Variants in TXK observed in about 807,000 individuals in gnomAD.
The protein encoded by TXK is TXK tyrosine kinase, also known as tyrosine-protein kinase TXK.
TXK carries 60 observed loss-of-function variants against 81.0 expected under a neutral mutation model. The ratio of observed to expected loss-of-function variants is 0.74; its 90% confidence interval spans 0.60 to 0.92. The LOEUF is 0.92. TXK is among the 40% of genes least tolerant of loss of function. TXK has a pLI of 0.00. For missense variants in TXK, 581 were observed against 638.3 expected (o/e 0.91, Z 0.97); for synonymous variants, 203 against 210.7 (o/e 0.96, Z 0.32).
intron 7 of TXK, 99 bp from the exon 8 acceptor site, chr4:48,094,303 T>A: frequency 7.5e-7 from 1 of 1,331,040 alleles, no homozygotes; most frequent in Non-Finnish European, 1.1e-6. Context: ...AAACTCATCC[T>A]AGCAACACTA....
intron 3 of TXK, 139 bp downstream of exon 3, chr4:48,113,068 A>G: frequency 2.0e-6 from 1 of 502,650 alleles, no homozygotes; most frequent in African/African-American, 1.9e-5. Flanking sequence ...CTTCTAGAAC[A>G]TTCCTTCACA....
At chr4:48,113,717 A>T (rs2661528) in intron 2 of TXK, among the ~76,000 whole-genome samples, 110,223 of 152,046 alleles carry the variant, frequency 0.72, 39,977 homozygotes, top group Admixed American at 0.76. Flanking sequence ...ATTAGGAACA[A>T]GAGTTTGAAT....
chr4:48,074,468 C>T (rs76463697), intron 12 of TXK, among the ~76,000 whole-genome samples: 2,518 of 152,138 alleles, frequency 0.017, 72 homozygotes, highest in African/African-American at 0.058. Flanking sequence ...AGTTGGATGT[C>T]GAATTTTCTT....
intron 1 of TXK, among the ~76,000 whole-genome samples, chr4:48,119,256 A>G (rs1374685066): frequency 2.0e-5 from 3 of 152,210 alleles, no homozygotes; most frequent in Admixed American, 2.0e-4. Context: ...GCCATTTTGC[A>G]GGCTGGCTGC....
intron 6 of TXK, among the ~76,000 whole-genome samples, chr4:48,097,742 T>C (rs1490828047): frequency 3.5e-5 from 5 of 142,700 alleles, no homozygotes; most frequent in African/African-American, 8.1e-5. Context: ...AGCCAAAAGC[T>C]ACCACATTTT....
intron 4 of TXK, among the ~76,000 whole-genome samples, chr4:48,111,943 C>G (rs1718645347): frequency 6.6e-6 from 1 of 152,190 alleles, no homozygotes; most frequent in Admixed American, 6.5e-5. Flanking sequence ...TATTTCTGTT[C>G]TTACCTTAGA....
At chr4:48,121,383 T>C (rs530382550) in intron 1 of TXK, among the ~76,000 whole-genome samples, 1 of 152,332 alleles carries the variant, frequency 6.6e-6, no homozygotes, top group South Asian at 2.1e-4. Context: ...TAAATAATCT[T>C]AGTCATCCTT....
intron 6 of TXK, among the ~76,000 whole-genome samples, chr4:48,102,877 GTAAAA>G (rs1718253617): frequency 6.6e-6 from 1 of 151,988 alleles, no homozygotes; most frequent in Non-Finnish European, 1.5e-5. Flanking sequence ...CTGTCAAATG[GTAAAA>G]TAAATAAAAT....
intron 6 of TXK, among the ~76,000 whole-genome samples, chr4:48,104,593 T>TAG (rs1162520263): frequency 2.4e-5 from 1 of 42,268 alleles, no homozygotes; most frequent in South Asian, 5.8e-4. Flanking sequence ...TATATATATA[T>TAG]ATAGAGAGAG....
intron 14 of TXK, among the ~76,000 whole-genome samples, chr4:48,070,360 C>A (rs911845108): frequency 1.3e-5 from 2 of 152,192 alleles, no homozygotes. Context: ...TCCTGACACA[C>A]TTTCTGCCTC....
At chr4:48,097,174 C>T (rs1718013559) in intron 6 of TXK, among the ~76,000 whole-genome samples, 3 of 151,936 alleles carry the variant, frequency 2.0e-5, no homozygotes, top group African/African-American at 4.8e-5. Flanking sequence ...AGATAAACTG[C>T]TAATTAACCT....
In TXK at chr4:48,113,275, C is replaced by T. The variant is rs1412375812; in HGVS notation, c.106G>A (p.Glu36Lys). The T allele has an allele frequency of 1.2e-6, 2 of 1,613,382 alleles. No homozygotes were observed. The highest frequency in any genetic ancestry group is 1.7e-6 in the Non-Finnish European group (2 of 1,179,538). Reference protein sequence around the residue: ...MRTQISLSTDEELPEKYTQRR... With the variant: ...MRTQISLSTDKELPEKYTQRR... ...TGGGTGTATTTTTCTGGAAGCTCTT[C>T]ATCTGTGCTCAGGCTTATCTGTGTT... Residue 36 changes from glutamate (E) to lysine (K), a missense_variant, in exon 3 of 15, where the codon GAA (glutamate) becomes AAA (lysine). Glu to Lys is a moderately conservative substitution (Grantham distance 56). Coordinates refer to ENST00000264316, the MANE Select transcript of TXK (RefSeq NM_003328.3).
At chr4:48,096,131 C>G (rs1577664993) in intron 6 of TXK, among the ~76,000 whole-genome samples, 1 of 152,172 alleles carries the variant, frequency 6.6e-6, no homozygotes, top group East Asian at 1.9e-4. Flanking sequence ...CTTCTCATTC[C>G]AGATATTCAC....
chr4:48,093,304 T>C (rs1262393041), intron 8 of TXK, among the ~76,000 whole-genome samples: 1 of 152,236 alleles, frequency 6.6e-6, no homozygotes, highest in Admixed American at 6.5e-5. Flanking sequence ...TCAACACTTT[T>C]CATGAGAGAA....
intron 5 of TXK, 116 bp from the exon 6 acceptor site, chr4:48,105,071 T>G (rs1348625491): frequency 2.4e-5 from 16 of 659,044 alleles, no homozygotes; most frequent in South Asian, 8.9e-5. Context: ...GAAAGTTGAG[T>G]GTTTTTTTAA....
At chr4:48,127,896 AC>A (rs2109487440) in intron 1 of TXK, among the ~76,000 whole-genome samples, 1 of 151,828 alleles carries the variant, frequency 6.6e-6, no homozygotes, top group African/African-American at 2.4e-5. Context: ...CATTCCTTCC[AC>A]CCCCAGAGGT....
At chr4:48,122,783 T>C (rs1316674850) in intron 1 of TXK, among the ~76,000 whole-genome samples, 1 of 152,270 alleles carries the variant, frequency 6.6e-6, no homozygotes, top group Non-Finnish European at 1.5e-5. Flanking sequence ...TCTTGATTCA[T>C]TCCTAGTGGA....
At chr4:48,099,171 C>T (rs1376717491) in intron 6 of TXK, among the ~76,000 whole-genome samples, 1 of 152,082 alleles carries the variant, frequency 6.6e-6, no homozygotes, top group Non-Finnish European at 1.5e-5. Context: ...CATGAGAATT[C>T]ACCAAAATTA....
rs138455044 is a variant in TXK, at chr4:48,094,146, A to G, written c.640T>C (p.Tyr214His). ...TGAAAGGCGTGTCTTTCAGCCACAT[A>G]CCACTGTCCTGAGTCATTCTTTTTT... ...QIKKNDSGQW[Y>H]VAERHAFQSI... Residue 214 changes from tyrosine to histidine, a missense_variant, in exon 8 of 15, where the codon TAT (tyrosine) becomes CAT (histidine). Transcript: ENST00000264316. 4.2e-5 allele frequency: 67 copies of G among 1,613,766 alleles called. No individual in the cohort carries two copies. The highest frequency in any genetic ancestry group is 1.1e-4 in the East Asian group (5 of 44,900).
Sources: allele counts gnomAD v4.1 joint callset (sites outside exome capture counted in the v4.1 genomes callset), GRCh38; gene constraint gnomAD v4.1.1; transcripts MANE v1.5; gene names NCBI Gene and HGNC (gene_info 2026-07-23, HGNC 2026-07-21).